The following MOSPD3 variants were observed in gnomAD, a reference collection of about 807,000 sequenced individuals.
MOSPD3 encodes motile sperm domain-containing protein 3.
A neutral mutation model predicts 23.3 loss-of-function variants in MOSPD3; 20 were observed. The observed-to-expected ratio is 0.86, with a 90% CI of 0.61 to 1.25. The LOEUF (loss-of-function observed/expected upper bound fraction) is 1.25, where lower values mean the gene tolerates loss of function less well. Ranked by LOEUF, MOSPD3 falls within the 50% of genes most tolerant of loss-of-function variation. MOSPD3 has a pLI of 0.00. For synonymous variants in MOSPD3, 136 were observed against 135.2 expected, an observed-to-expected ratio of 1.01 and a Z score of -0.04; for missense variants, 307 against 315.7, an observed-to-expected ratio of 0.97 and a Z score of 0.21.
chr7:100,612,937 G>A lies in MOSPD3; in HGVS notation c.146G>A (p.Ser49Asn). Residue 49 changes from serine to asparagine, a missense_variant, in exon 1 of 5, where the codon AGC becomes AAC. By Grantham distance (46) the Ser-to-Asn change is conservative (BLOSUM62 1). Transcript: ENST00000393950. ...CTAGTATTCAGGGCGGACCAGCGGA[G>A]CGGACCCCGACAGCTGCTGACCCTC... ...PDLVFRADQRSGPRQLLTLYN... is the reference protein window; with the variant it reads ...PDLVFRADQRNGPRQLLTLYN... The A allele has an allele frequency of 6.2e-7, 1 of 1,613,948 alleles. No individual in the cohort carries two copies. Among genetic ancestry groups the A allele is most frequent in the Non-Finnish European group, 8.5e-7 (1 of 1,180,016 alleles).
intron 3 of MOSPD3, among the ~76,000 whole-genome samples, chr7:100,614,337 G>T (rs142745975): frequency 2.0e-5 from 3 of 151,786 alleles, no homozygotes; most frequent in African/African-American, 7.3e-5. Context: ...GTGGTGGCTC[G>T]CACCTGTAAT....
In MOSPD3 at chr7:100,613,528, C is replaced by A; in HGVS notation, c.333C>A (p.Arg111=). The change falls in exon 3 of 5, where the codon CGC becomes CGA. Residue 111 remains arginine, a synonymous_variant. Coordinates refer to ENST00000393950, the MANE Select transcript of MOSPD3 (RefSeq NM_023948.5). ...PIPSHYDVQD[R]FRIELSEEGA... ...CCAGCCACTATGATGTCCAGGACCG[C>A]TTCCGCATTGAGCTGTCTGAGGAAG... The A allele has an allele frequency of 1.2e-6, 2 of 1,614,184 alleles. No homozygotes were observed. The highest frequency in any genetic ancestry group is 1.7e-6 in the Non-Finnish European group (2 of 1,180,030).
chr7:100,614,708 A>G (rs577646757), intron 3 of MOSPD3, among the ~76,000 whole-genome samples, 159 bp from the exon 4 acceptor site: 1 of 152,176 alleles, frequency 6.6e-6, no homozygotes, highest in Non-Finnish European at 1.5e-5. Flanking sequence ...CAAGAGTTCC[A>G]GACCAGCCTG....
At chr7:100,613,097 G>T in intron 1 of MOSPD3, 97 bp from the exon 2 acceptor site, 2 of 1,580,034 alleles carry the variant, frequency 1.3e-6, no homozygotes, top group South Asian at 2.2e-5. Flanking sequence ...AGCTTTGGTG[G>T]ACTGGGAAAG....
Position 100,613,612 on chromosome 7 carries a change from G to C in MOSPD3, c.417G>C (p.Ala139=). 6.2e-7 allele frequency: 1 copy of C among 1,614,176 alleles called. No homozygotes were observed. The highest frequency in any genetic ancestry group is 1.1e-5 in the South Asian group (1 of 91,090). Residue 139 remains alanine, a synonymous_variant, in exon 3 of 5, where the codon GCG becomes GCC. Transcript: ENST00000393950. ...TTACCTCCATTCTGAGAGCCCCAGC[G>C]TACCCCCTTGAGCTTCAGGGACAGC... ...KDITSILRAP[A]YPLELQGQPD... is the part of the protein sequence containing the mutation.
chr7:100,614,491 G>A (rs1802933790), intron 3 of MOSPD3, among the ~76,000 whole-genome samples: 1 of 151,024 alleles, frequency 6.6e-6, no homozygotes, highest in Non-Finnish European at 1.5e-5. Flanking sequence ...AGTAGATACA[G>A]GGTGTGGTGA....
chr7:100,613,201 C>A lies in MOSPD3; in HGVS notation c.213C>A (p.Cys71Ter). 6.2e-7 allele frequency: 1 copy of A among 1,614,080 alleles called. No individual in the cohort carries two copies. Among genetic ancestry groups the A allele is most frequent in the Non-Finnish European group, 8.5e-7 (1 of 1,179,978 alleles). Residue 71 changes from cysteine (C) to a stop codon, truncating the protein, a stop_gained, in exon 2 of 5, where the codon TGC becomes TGA. Transcript: ENST00000393950. LOFTEE classifies it high-confidence loss of function. ...TGTALRFRVLCTAPAKYTVFD... is the reference protein window; with the variant it reads ...TGTALRFRVL ...TGTGTCTCTATCCCCCAGTCCTGTG[C>A]ACAGCACCTGCCAAATACACGGTGT...
At position 100,615,152 on chromosome 7, in the gene MOSPD3, G is replaced by T; in HGVS notation, c.677G>T (p.Gly226Val). ...GQKLVAAYVL[G>V]LLTMVFLRT ...TATTCTTTCTTTGTCCCCCCTCCAG[G>T]CCTCCTCACCATGGTGTTCCTCCGG... Residue 226 changes from glycine to valine, a missense_variant and splice_region_variant, in exon 5 of 5, where the codon GGC becomes GTC. Physicochemically the swap from Gly to Val is moderately radical, Grantham distance 109 (BLOSUM62 -3). Coordinates refer to ENST00000393950, the MANE Select transcript of MOSPD3 (RefSeq NM_023948.5). 6.2e-7 allele frequency: 1 copy of T among 1,614,022 alleles called. No homozygotes were observed. The highest frequency in any genetic ancestry group is 8.5e-7 in the Non-Finnish European group (1 of 1,180,006).
chr7:100,612,721 GC>G lies in MOSPD3; in HGVS notation c.-65del, dbSNP rs1291494984. ...CATCTTGTCCCCTTTCGCCCCTCACGCCCCCCAGCTCTGACTCCAGGCCCTG... is the reference window on the plus strand; with the variant it reads ...CATCTTGTCCCCTTTCGCCCCTCACGCCCCCAGCTCTGACTCCAGGCCCTG... On this transcript the variant is annotated 5_prime_UTR_variant, in exon 1 of 5. Transcript: ENST00000393950. 2.4e-6 allele frequency: 3 copies of G among 1,248,092 alleles called. No homozygotes were observed. Among genetic ancestry groups the G allele is most frequent in the Non-Finnish European group, 3.3e-6 (3 of 902,722 alleles). The allele number at this position is 1,248,092 out of a possible 1,614,324, so 77.3% of individuals were successfully genotyped here.
At position 100,615,175 on chromosome 7, in the gene MOSPD3, C is replaced by G; in HGVS notation, c.700C>G (p.Arg234Gly). Residue 234 changes from arginine (R) to glycine (G), a missense_variant, in exon 5 of 5, where the codon CGG (arginine) becomes GGG (glycine). Arg to Gly is a moderately radical substitution (Grantham distance 125). Transcript: ENST00000393950. ...VLGLLTMVFL[R>G]T ...AGGCCTCCTCACCATGGTGTTCCTC[C>G]GGACCTGAGCTCCGTGCTCAACCCC... The G allele has an allele frequency of 1.2e-6, 2 of 1,613,974 alleles. No individual in the cohort carries two copies. The highest frequency in any genetic ancestry group is 1.1e-5 in the South Asian group (1 of 91,072).
chr7:100,613,052 G>A (rs906026104), intron 1 of MOSPD3, 56 bp downstream of exon 1: 15 of 1,603,320 alleles, frequency 9.4e-6, no homozygotes, highest in Admixed American at 1.7e-5. Context: ...GGGTTGTGTT[G>A]GCTGGAGGAG....
Position 100,615,031 on chromosome 7 carries a change from G to T in MOSPD3, c.676G>T (p.Gly226Cys). 6.2e-7 allele frequency: 1 copy of T among 1,614,182 alleles called. No individual in the cohort carries two copies. The highest frequency in any genetic ancestry group is 8.5e-7 in the Non-Finnish European group (1 of 1,180,028). Residue 226 changes from glycine to cysteine, a missense_variant and splice_region_variant, in exon 4 of 5, where the codon GGC becomes TGC. Physicochemically the swap from Gly to Cys is radical, Grantham distance 159. Transcript: ENST00000393950. Reference protein sequence around the residue: ...GQKLVAAYVLGLLTMVFLRT With the variant: ...GQKLVAAYVLCLLTMVFLRT ...AAAGTTGGTGGCCGCCTACGTCTTG[G>T]GTGAGGACAGTAGTGGCCAGGGACC...
rs1324050071 is a variant in MOSPD3, at chr7:100,612,941, A to G, written c.150A>G (p.Gly50=). ...TATTCAGGGCGGACCAGCGGAGCGG[A>G]CCCCGACAGCTGCTGACCCTCTATA... ...DLVFRADQRS[G]PRQLLTLYNP... Residue 50 remains glycine, a synonymous_variant, in exon 1 of 5, where the codon GGA becomes GGG. Coordinates refer to ENST00000393950, the MANE Select transcript of MOSPD3 (RefSeq NM_023948.5). 2 of 1,613,456 alleles carry G rather than the reference A, an allele frequency of 1.2e-6. No individual in the cohort carries two copies. The highest frequency in any genetic ancestry group is 2.7e-5 in the African/African-American group (2 of 74,842).
rs762522275 is a variant in MOSPD3, at chr7:100,614,950, C to T, written c.595C>T (p.Leu199Phe). 2 of 1,614,090 alleles carry T rather than the reference C, an allele frequency of 1.2e-6. No homozygotes were observed. Among genetic ancestry groups the T allele is most frequent in the Non-Finnish European group, 1.7e-6 (2 of 1,179,964 alleles). ...GTCTGTGGCCTTCCTGCTGCTCCCA[C>T]TCCCGGACGAACTCGGCAGCCAGCT... Reference protein sequence around the residue: ...IVSVAFLLLPLPDELGSQLPQ... With the variant: ...IVSVAFLLLPFPDELGSQLPQ... The change falls in exon 4 of 5, where the codon CTC (leucine) becomes TTC (phenylalanine). Residue 199 changes from leucine (L) to phenylalanine (F), a missense_variant. Transcript: ENST00000393950.
rs774637188 is a variant in MOSPD3 at position 100,612,722 on chromosome 7, C to A, written c.-70C>A. ...ATCTTGTCCCCTTTCGCCCCTCACGCCCCCCAGCTCTGACTCCAGGCCCTG... is the reference window on the plus strand; with the variant it reads ...ATCTTGTCCCCTTTCGCCCCTCACGACCCCCAGCTCTGACTCCAGGCCCTG... On this transcript the variant is annotated 5_prime_UTR_variant, in exon 1 of 5. Coordinates refer to ENST00000393950, the MANE Select transcript of MOSPD3 (RefSeq NM_023948.5). 4.4e-5 allele frequency: 56 copies of A among 1,261,760 alleles called. No individual in the cohort carries two copies. In the East Asian group the frequency reaches 5.6e-4, roughly 13 times the overall value. The allele number at this position is 1,261,760 out of a possible 1,614,324, so 78.2% of individuals were successfully genotyped here.
At position 100,614,958 on chromosome 7, in the gene MOSPD3, C is replaced by T. The variant is rs147303791; in HGVS notation, c.603C>T (p.Asp201=). The change falls in exon 4 of 5, where the codon GAC becomes GAT. Residue 201 remains aspartate, a synonymous_variant. Transcript: ENST00000393950. The part of the protein sequence containing the change: ...SVAFLLLPLP[D]ELGSQLPQVL... The stretch of plus-strand genomic sequence containing the variant: ...CCTTCCTGCTGCTCCCACTCCCGGA[C>T]GAACTCGGCAGCCAGCTGCCTCAAG... The T allele has an allele frequency of 1.6e-4, 265 of 1,613,952 alleles. No individual in the cohort carries two copies. The highest frequency in any genetic ancestry group is 2.3e-4 in the Admixed American group (14 of 60,000).
At position 100,615,040 on chromosome 7, in the gene MOSPD3, A is replaced by T. The variant is rs773099060; in HGVS notation, c.676+9A>T. 1 of 1,614,214 alleles carries T rather than the reference A, an allele frequency of 6.2e-7. No homozygotes were observed. The highest frequency in any genetic ancestry group is 8.5e-7 in the Non-Finnish European group (1 of 1,180,020). ...GGCCGCCTACGTCTTGGGTGAGGAC[A>T]GTAGTGGCCAGGGACCCAGGCCCCA... On this transcript the variant is annotated intron_variant, in intron 4 of 4. Transcript: ENST00000393950.
rs750201435 is a variant in MOSPD3, at chr7:100,612,750, C to T, written c.-42C>T. The T allele has an allele frequency of 2.0e-6, 3 of 1,490,386 alleles. No individual in the cohort carries two copies. The highest frequency in any genetic ancestry group is 2.7e-6 in the Non-Finnish European group (3 of 1,108,404). The allele number at this position is 1,490,386 out of a possible 1,614,324, so 92.3% of individuals were successfully genotyped here. A position where few individuals can be genotyped will look rare whatever the true frequency, so the allele number is the denominator to read the frequency against. On this transcript the variant is annotated 5_prime_UTR_variant, in exon 1 of 5. Coordinates refer to ENST00000393950, the MANE Select transcript of MOSPD3 (RefSeq NM_023948.5). ...CCCAGCTCTGACTCCAGGCCCTGTC[C>T]CCTGAGCTCTGCCCTCGGATGTCCG...
intron 3 of MOSPD3, among the ~76,000 whole-genome samples, chr7:100,614,126 G>T (rs556572804): frequency 1.4e-4 from 22 of 152,300 alleles, no homozygotes; most frequent in Admixed American, 1.4e-3. Flanking sequence ...GGGGACAGAG[G>T]CTGTAGGAAG....
Sources: allele counts gnomAD v4.1 joint callset (sites outside exome capture counted in the v4.1 genomes callset), GRCh38; gene constraint gnomAD v4.1.1; transcripts MANE v1.5; gene names NCBI Gene and HGNC (gene_info 2026-07-23, HGNC 2026-07-21).